The following SLC24A3 variants were observed in gnomAD, a reference collection of about 807,000 sequenced individuals.
SLC24A3 encodes sodium/potassium/calcium exchanger 3.
A neutral mutation model predicts 75.8 loss-of-function variants in SLC24A3; 28 were observed. The ratio of observed to expected loss-of-function variants is 0.37; its 90% CI spans 0.27 to 0.51. SLC24A3 has a LOEUF of 0.51. Among genes scored for constraint, SLC24A3 ranks in the 20% least tolerant of loss-of-function variants. The probability of loss-of-function intolerance (pLI) is 0.94; values close to 1 mark genes in which losing one functional copy is unlikely to be tolerated. For missense variants in SLC24A3, 663 were observed against 847.8 expected (o/e 0.78, Z 2.71); for synonymous variants, 372 against 334.1 (o/e 1.11, Z -1.24).
At chr20:19,378,907 CAAA>C (rs11475629) in intron 2 of SLC24A3, among the ~76,000 whole-genome samples, 3 of 138,312 alleles carry the variant, frequency 2.2e-5, no homozygotes, top group African/African-American at 5.2e-5. Flanking sequence ...AAAAAAAGCT[CAAA>C]AAAAAAAAAA....
At chr20:19,532,251 C>A (rs1042914391) in intron 3 of SLC24A3, among the ~76,000 whole-genome samples, 4 of 152,210 alleles carry the variant, frequency 2.6e-5, no homozygotes, top group Non-Finnish European at 5.9e-5. Flanking sequence ...CCTCAGGGCC[C>A]AATCAGCCAG....
chr20:19,472,088 G>A (rs1358724592), intron 2 of SLC24A3, among the ~76,000 whole-genome samples: 1 of 151,570 alleles, frequency 6.6e-6, no homozygotes, highest in Non-Finnish European at 1.5e-5. Context: ...TCTTAATTTG[G>A]GGTCCACGGA....
intron 1 of SLC24A3, among the ~76,000 whole-genome samples, chr20:19,229,992 A>T (rs1333949491): frequency 6.7e-6 from 1 of 150,182 alleles, no homozygotes; most frequent in Non-Finnish European, 1.5e-5. Context: ...TCTTTCATAT[A>T]TCCTATGTTT....
At chr20:19,333,601 A>G (rs896524552) in intron 2 of SLC24A3, among the ~76,000 whole-genome samples, 2 of 151,850 alleles carry the variant, frequency 1.3e-5, no homozygotes, top group African/African-American at 4.8e-5. Flanking sequence ...ACAATATGTT[A>G]CTGGTGAGTC....
chr20:19,279,088 A>G (rs1041734840), intron 1 of SLC24A3, among the ~76,000 whole-genome samples: 1 of 152,174 alleles, frequency 6.6e-6, no homozygotes, highest in Non-Finnish European at 1.5e-5. Flanking sequence ...TTCTTTCTTG[A>G]GCGGTGTTGT....
At chr20:19,330,979 C>G (rs965106870) in intron 2 of SLC24A3, among the ~76,000 whole-genome samples, 1 of 152,174 alleles carries the variant, frequency 6.6e-6, no homozygotes, top group Admixed American at 6.5e-5. Context: ...GAGGAACATT[C>G]TATTGAAGCA....
chr20:19,414,827 G>A (rs190152539), intron 2 of SLC24A3, among the ~76,000 whole-genome samples: 2 of 152,266 alleles, frequency 1.3e-5, no homozygotes, highest in Non-Finnish European at 2.9e-5. Flanking sequence ...CAAATAACCT[G>A]TAAATTACAT....
At position 19,264,757 on chromosome 20, in the gene SLC24A3, C is replaced by T. The variant is rs115750725; in HGVS notation, c.143-16202C>T. 1.1e-3 allele frequency among the ~76,000 whole-genome samples: 156 copies of T among 142,258 alleles called. 2 individuals are homozygous for T. The highest frequency in any genetic ancestry group is 3.8e-3 in the African/African-American group (145 of 38,432). The allele number at this position is 142,258 out of a possible 152,430, so 93.3% of individuals were successfully genotyped here. A position where few individuals can be genotyped will look rare whatever the true frequency, so the allele number is the denominator to read the frequency against. ...AAAAAAAAAAAAAACAAAACAAAAA[C>T]GTGCAGCCTGGACTCTGGGGAGTTT... On this transcript the variant is annotated intron_variant, in intron 1 of 16. Transcript: ENST00000328041.
chr20:19,486,613 T>A (rs949090773), intron 2 of SLC24A3, among the ~76,000 whole-genome samples: 2 of 152,194 alleles, frequency 1.3e-5, no homozygotes, highest in African/African-American at 4.8e-5. Context: ...TTCTCATTTA[T>A]CTCCTGTCTC....
At chr20:19,459,585 A>G (rs976342396) in intron 2 of SLC24A3, among the ~76,000 whole-genome samples, 3 of 152,332 alleles carry the variant, frequency 2.0e-5, no homozygotes, top group African/African-American at 4.8e-5. Flanking sequence ...ATTCAATAGA[A>G]CCTTCATACT....
chr20:19,710,978 A>G (rs551891204), intron 15 of SLC24A3, among the ~76,000 whole-genome samples: 29 of 152,122 alleles, frequency 1.9e-4, no homozygotes, highest in African/African-American at 6.7e-4. Flanking sequence ...CTCCCAATCA[A>G]CTCTCCACTC....
At chr20:19,685,500 T>C in intron 12 of SLC24A3, 139 bp downstream of exon 12, 2 of 1,377,288 alleles carry the variant, frequency 1.5e-6, no homozygotes, top group Admixed American at 2.3e-5. Context: ...TCAAGTCTCC[T>C]TTGGGCAGGA....
chr20:19,709,264 G>A (rs1378104611), intron 15 of SLC24A3, among the ~76,000 whole-genome samples: 1 of 152,160 alleles, frequency 6.6e-6, no homozygotes, highest in African/African-American at 2.4e-5. Flanking sequence ...CTTTGGTTTA[G>A]GAGAAAGTCC....
At chr20:19,580,555 C>T (rs1295775432) in intron 4 of SLC24A3, among the ~76,000 whole-genome samples, 1 of 151,968 alleles carries the variant, frequency 6.6e-6, no homozygotes. Context: ...AGCGGAAGCA[C>T]TGAGATGAAA....
chr20:19,504,022 G>A (rs1212082310), intron 2 of SLC24A3, among the ~76,000 whole-genome samples: 1 of 152,222 alleles, frequency 6.6e-6, no homozygotes, highest in Non-Finnish European at 1.5e-5. Flanking sequence ...GAGCGCACAT[G>A]TCCCTGTTCC....
chr20:19,462,337 G>A (rs1987692630), intron 2 of SLC24A3, among the ~76,000 whole-genome samples: 3 of 151,632 alleles, frequency 2.0e-5, no homozygotes, highest in South Asian at 4.2e-4. Flanking sequence ...TCGGCTCACT[G>A]CAAGCTCCAC....
intron 7 of SLC24A3, among the ~76,000 whole-genome samples, chr20:19,661,566 GT>G (rs1454010843): frequency 6.6e-6 from 1 of 152,202 alleles, no homozygotes; most frequent in Non-Finnish European, 1.5e-5. Flanking sequence ...GAAGGAAAGA[GT>G]TTCAGGTTTC....
chr20:19,556,733 A>AT (rs1237455128), intron 3 of SLC24A3, among the ~76,000 whole-genome samples: 3 of 152,082 alleles, frequency 2.0e-5, no homozygotes, highest in African/African-American at 7.2e-5. Context: ...ACTAAGTGGT[A>AT]TTTTCTCTCT....
At chr20:19,411,738 G>A (rs898271782) in intron 2 of SLC24A3, among the ~76,000 whole-genome samples, 1 of 152,212 alleles carries the variant, frequency 6.6e-6, no homozygotes, top group African/African-American at 2.4e-5. Flanking sequence ...TTATGCTTTT[G>A]AAGAGCAGAA....
Sources: allele counts gnomAD v4.1 joint callset (sites outside exome capture counted in the v4.1 genomes callset), GRCh38; gene constraint gnomAD v4.1.1; transcripts MANE v1.5; gene names NCBI Gene and HGNC (gene_info 2026-07-23, HGNC 2026-07-21).